Variants in SOX30 observed in about 807,000 individuals in gnomAD.
SOX30 encodes SRY-box transcription factor 30.
A neutral mutation model predicts 58.6 loss-of-function variants in SOX30; 17 were observed. The observed-to-expected ratio is 0.29, with a 90% confidence interval of 0.20 to 0.44. The LOEUF is 0.44. Ranked by LOEUF, SOX30 falls within the 20% of genes least tolerant of loss-of-function variation. The probability of loss-of-function intolerance (pLI) is 1.00; values close to 1 mark genes in which losing one functional copy is unlikely to be tolerated. For missense variants in SOX30, 951 were observed against 965.8 expected (o/e 0.98, Z 0.20); for synonymous variants, 421 against 400.2 (o/e 1.05, Z -0.62).
At position 157,626,263 on chromosome 5, in the gene SOX30, C is replaced by T. The variant is rs180778422; in HGVS notation, c.*77G>A. ...AAAACTTTCAACAAAGAATTCTAGG[C>T]TTTTTTTTTTCTCATACCAACTGAC... On this transcript the variant is annotated 3_prime_UTR_variant, in exon 5 of 5. Coordinates refer to ENST00000265007, the MANE Select transcript of SOX30 (RefSeq NM_178424.2). The T allele has an allele frequency of 1.4e-3, 1,638 of 1,195,520 alleles. 18 individuals are homozygous for T. The African/African-American group carries it at 0.023, about 17-fold the overall frequency. The allele number at this position is 1,195,520 out of a possible 1,614,324, so 74.1% of individuals were successfully genotyped here. A position where few individuals can be genotyped will look rare whatever the true frequency, so the allele number is the denominator to read the frequency against.
At chr5:157,627,667 G>A (rs772833203) in intron 4 of SOX30, among the ~76,000 whole-genome samples, 1 of 152,148 alleles carries the variant, frequency 6.6e-6, no homozygotes, top group Non-Finnish European at 1.5e-5. Flanking sequence ...GCAGGAATGT[G>A]AAGAATCAAA....
At chr5:157,648,292 A>AT (rs966050715) in intron 2 of SOX30, among the ~76,000 whole-genome samples, 2 of 152,064 alleles carry the variant, frequency 1.3e-5, no homozygotes, top group African/African-American at 4.8e-5. Context: ...CGTAGACTGC[A>AT]TTTTTTTTCT....
chr5:157,658,120 T>C (rs1759512909), intron 2 of SOX30, among the ~76,000 whole-genome samples: 1 of 152,194 alleles, frequency 6.6e-6, no homozygotes, highest in African/African-American at 2.4e-5. Context: ...TACAAACCTA[T>C]GGCAGGGCTC....
At chr5:157,630,151 T>G (rs1435438290) in intron 4 of SOX30, among the ~76,000 whole-genome samples, 1 of 152,210 alleles carries the variant, frequency 6.6e-6, no homozygotes, top group East Asian at 1.9e-4. Context: ...CTTTTTTAAT[T>G]TCTATCTCCT....
At chr5:157,636,876 C>T (rs1237255121) in intron 4 of SOX30, among the ~76,000 whole-genome samples, 1 of 152,044 alleles carries the variant, frequency 6.6e-6, no homozygotes, top group African/African-American at 2.4e-5. Context: ...GCATGTAATC[C>T]CAGCACCTTG....
chr5:157,660,804 T>C (rs566285480), intron 2 of SOX30, among the ~76,000 whole-genome samples: 1 of 152,314 alleles, frequency 6.6e-6, no homozygotes, highest in African/African-American at 2.4e-5. Flanking sequence ...ATTTAAAAGA[T>C]AAATTTTAGG....
chr5:157,649,387 A>G (rs1759273169), intron 1 of SOX30, among the ~76,000 whole-genome samples: 2 of 152,230 alleles, frequency 1.3e-5, no homozygotes, highest in African/African-American at 4.8e-5. Context: ...TATTTATAAT[A>G]TTGTAATACT....
At chr5:157,631,075 A>AAT (rs1164593622) in intron 4 of SOX30, among the ~76,000 whole-genome samples, 11 of 109,614 alleles carry the variant, frequency 1.0e-4, no homozygotes, top group African/African-American at 2.6e-4. Context: ...ATATACACAC[A>AAT]ATATATGTAT....
chr5:157,641,788 A>C (rs1759069988), intron 3 of SOX30, among the ~76,000 whole-genome samples: 1 of 152,228 alleles, frequency 6.6e-6, no homozygotes, highest in Non-Finnish European at 1.5e-5. Flanking sequence ...GGATTTAAGA[A>C]ACCTTAGTAG....
chr5:157,664,586 C>T (rs1254660799), intron 2 of SOX30, among the ~76,000 whole-genome samples: 1 of 152,098 alleles, frequency 6.6e-6, no homozygotes, highest in African/African-American at 2.4e-5. Flanking sequence ...GCAACAAAAG[C>T]CAAAATTGAC....
intron 4 of SOX30, among the ~76,000 whole-genome samples, chr5:157,632,038 C>G (rs1758823035): frequency 1.1e-5 from 1 of 88,924 alleles, no homozygotes; most frequent in Admixed American, 1.1e-4. Context: ...GCAAGACCCA[C>G]CCCGTAACTA....
chr5:157,637,133 CAAAA>C (rs1203322529), intron 4 of SOX30, among the ~76,000 whole-genome samples: 1 of 62,838 alleles, frequency 1.6e-5, no homozygotes. Context: ...AACTCCGCCT[CAAAA>C]AAAAAAAAAA....
Position 157,638,565 on chromosome 5 carries a change from C to T in SOX30, c.1545G>A (p.Gly515=). Residue 515 remains glycine, a synonymous_variant, in exon 4 of 5, where the codon GGG becomes GGA. Coordinates refer to ENST00000265007, the MANE Select transcript of SOX30 (RefSeq NM_178424.2). The stretch of plus-strand genomic sequence containing the variant: ...GCTGATGAGTGTCTGTTTGGGAAGG[C>T]CCAGTAAAGCGTTGGGGTGGGAGTG... The part of the protein sequence containing the change: ...YPALPPQRFT[G]PSQTDTHQLH... 6.2e-7 allele frequency: 1 copy of T among 1,614,020 alleles called. No homozygotes were observed. The highest frequency in any genetic ancestry group is 8.5e-7 in the Non-Finnish European group (1 of 1,180,004).
At position 157,639,206 on chromosome 5, in the gene SOX30, G is replaced by T. The variant is rs149242976; in HGVS notation, c.1388-484C>A. Among the ~76,000 whole-genome samples, 172 of 152,248 alleles carry T rather than the reference G, an allele frequency of 1.1e-3. 2 individuals carry two copies. The East Asian group carries it at 0.014, about 12-fold the overall frequency. On this transcript the variant is annotated intron_variant, in intron 3 of 4. Transcript: ENST00000265007. ...TAAGGAGCCATGATCTAAGAGAGGG[G>T]ACAGGGCAGTGGGGCAGGAGGAAAA...
chr5:157,648,298 T>C (rs1759246124), intron 2 of SOX30, among the ~76,000 whole-genome samples: 1 of 152,228 alleles, frequency 6.6e-6, no homozygotes, highest in Non-Finnish European at 1.5e-5. Context: ...CTGCATTTTT[T>C]TTCTGTTGCT....
intron 2 of SOX30, among the ~76,000 whole-genome samples, chr5:157,665,494 TGTTAAATGACGA>T (rs1339318288): frequency 1.3e-5 from 2 of 152,000 alleles, no homozygotes; most frequent in African/African-American, 4.8e-5. Flanking sequence ...ATATACCTAA[TGTTAAATGACGA>T]GTTAATGGGT....
chr5:157,650,333 AC>A (rs1263331981), intron 1 of SOX30, among the ~76,000 whole-genome samples: 3 of 152,266 alleles, frequency 2.0e-5, no homozygotes, highest in African/African-American at 4.8e-5. Flanking sequence ...AATTAAAAAA[AC>A]AATAAAACAT....
chr5:157,650,217 T>C (rs1450441048), intron 1 of SOX30, among the ~76,000 whole-genome samples: 1 of 152,064 alleles, frequency 6.6e-6, no homozygotes, highest in Non-Finnish European at 1.5e-5. Context: ...ATAAGTAGTA[T>C]AAAGAAAGCT....
At chr5:157,666,151 TTTTG>T (rs780682935) in intron 2 of SOX30, among the ~76,000 whole-genome samples, 13 of 151,980 alleles carry the variant, frequency 8.6e-5, no homozygotes, top group African/African-American at 1.4e-4. Context: ...TGTTTTTTGT[TTTTG>T]TTTGTTTGTT....
Sources: gnomAD v4.1 joint callset for allele counts (sites outside exome capture counted in the v4.1 genomes callset) on GRCh38, gnomAD v4.1.1 for gene constraint, MANE v1.5 for transcripts, NCBI Gene and HGNC (gene_info 2026-07-23, HGNC 2026-07-21) for gene names.